DDR2: variants seen among roughly 807,000 people sequenced by gnomAD.
The protein encoded by DDR2 is discoidin domain-containing receptor 2.
In DDR2, 27 loss-of-function variants were observed where a neutral mutation model predicts 94.9. That is an observed-to-expected ratio of 0.28 (90% CI 0.21 to 0.39). DDR2 has a LOEUF of 0.39. Ranked by LOEUF, DDR2 falls within the 10% of genes least tolerant of loss-of-function variation. DDR2 has a pLI of 1.00. For synonymous variants in DDR2, 382 were observed against 377.2 expected (o/e 1.01, Z -0.15); for missense variants, 783 against 1,076.0 (o/e 0.73, Z 3.81).
intron 2 of DDR2, among the ~76,000 whole-genome samples, chr1:162,708,444 A>T (rs1660752857): frequency 6.6e-6 from 1 of 152,190 alleles, no homozygotes; most frequent in South Asian, 2.1e-4. Flanking sequence ...CAAGAGTAGG[A>T]TGGTCCTGGT....
chr1:162,661,992 A>G (rs1283844007), intron 2 of DDR2, among the ~76,000 whole-genome samples: 2 of 152,170 alleles, frequency 1.3e-5, no homozygotes, highest in African/African-American at 4.8e-5. Flanking sequence ...CCTTAATTCT[A>G]GAGTCTATCT....
intron 2 of DDR2, among the ~76,000 whole-genome samples, chr1:162,708,568 A>T (rs1660759256): frequency 6.6e-6 from 1 of 152,162 alleles, no homozygotes; most frequent in South Asian, 2.1e-4. Context: ...CAGCGTAATC[A>T]CATCACTGCC....
rs28483263 is a variant in DDR2 at position 162,689,313 on chromosome 1, C to T, written c.-27-29724C>T. On this transcript the variant is annotated intron_variant, in intron 2 of 17. Coordinates refer to ENST00000367921, the MANE Select transcript of DDR2 (RefSeq NM_006182.4). Reference sequence around the variant, plus strand: ...GTGCCAGGTACTGGCTAGTCCTCACCACAACCCTATATGTGGTAAGGGCAG... The same window carrying T: ...GTGCCAGGTACTGGCTAGTCCTCACTACAACCCTATATGTGGTAAGGGCAG... Among the ~76,000 whole-genome samples the T allele has an allele frequency of 3.4e-3, 514 of 152,314 alleles. 3 individuals are homozygous for T. Among genetic ancestry groups the T allele is most frequent in the African/African-American group, 0.012 (491 of 41,576 alleles).
Position 162,784,996 on chromosome 1 carries a change from A to G in DDR2, c.*4750A>G, listed in dbSNP as rs1419323718. ...ACAACAGGAAAGATACTATCTGGAT[A>G]AAGTTCTACAGTTTTAGAGAGACTA... On this transcript the variant is annotated 3_prime_UTR_variant, in exon 18 of 18. Transcript: ENST00000367921. The G allele has an allele frequency of 6.6e-6, 1 of 152,242 alleles. No individual in the cohort carries two copies. Among genetic ancestry groups the G allele is most frequent in the Admixed American group, 6.5e-5 (1 of 15,286 alleles). The allele number at this position is 152,242 out of a possible 1,614,324, so 9.4% of individuals were successfully genotyped here. A position where few individuals can be genotyped will look rare whatever the true frequency, so the allele number is the denominator to read the frequency against.
At chr1:162,726,175 G>A (rs1185736377) in intron 3 of DDR2, among the ~76,000 whole-genome samples, 1 of 152,204 alleles carries the variant, frequency 6.6e-6, no homozygotes, top group Non-Finnish European at 1.5e-5. Flanking sequence ...ATAAATGCTG[G>A]AACTTCTGTC....
chr1:162,686,288 T>G (rs2101967025), intron 2 of DDR2, among the ~76,000 whole-genome samples: 1 of 152,258 alleles, frequency 6.6e-6, no homozygotes, highest in South Asian at 2.1e-4. Context: ...CCATAGTGGT[T>G]TGCTGCACTT....
rs1656607638 is a variant in DDR2, at chr1:162,632,551, ATTC to A, written c.-266_-264del. The A allele has an allele frequency of 6.6e-6, 1 of 152,126 alleles. No homozygotes were observed. The highest frequency in any genetic ancestry group is 1.5e-5 in the Non-Finnish European group (1 of 68,026). The allele number at this position is 152,126 out of a possible 1,614,324, so 9.4% of individuals were successfully genotyped here. On this transcript the variant is annotated 5_prime_UTR_variant, in exon 1 of 18. Coordinates refer to ENST00000367921, the MANE Select transcript of DDR2 (RefSeq NM_006182.4). The stretch of plus-strand genomic sequence containing the variant: ...TGGAAAAAGAAGCGTTTCACAACAA[ATTC>A]TTCTTTTTGGGTTGGGGAAACGCAG...
chr1:162,662,181 T>C (rs576231304), intron 2 of DDR2, among the ~76,000 whole-genome samples: 34 of 152,334 alleles, frequency 2.2e-4, no homozygotes, highest in Admixed American at 1.4e-3. Flanking sequence ...ATTCTCTTCA[T>C]TGGAAGAAGT....
intron 3 of DDR2, among the ~76,000 whole-genome samples, chr1:162,749,227 T>C (rs915134372): frequency 6.6e-6 from 1 of 152,068 alleles, no homozygotes; most frequent in African/African-American, 2.4e-5. Context: ...GCTGGTTTTT[T>C]GAAAAGATCA....
chr1:162,723,586 G>A (rs1004057704), intron 3 of DDR2, among the ~76,000 whole-genome samples: 2 of 152,162 alleles, frequency 1.3e-5, no homozygotes, highest in Admixed American at 6.5e-5. Flanking sequence ...CCAGCAGTCT[G>A]AAGCCCTGGG....
intron 3 of DDR2, among the ~76,000 whole-genome samples, chr1:162,737,292 A>T (rs566192551): frequency 7.2e-6 from 1 of 139,210 alleles, no homozygotes; most frequent in South Asian, 2.5e-4. Flanking sequence ...ATCTCTCCCA[A>T]TGCTATCCCT....
intron 2 of DDR2, among the ~76,000 whole-genome samples, chr1:162,659,219 G>A (rs902650731): frequency 6.6e-6 from 1 of 152,172 alleles, no homozygotes; most frequent in African/African-American, 2.4e-5. Context: ...TACACTCAAG[G>A]GAGGTAAGCA....
chr1:162,703,496 G>A (rs565091672), intron 2 of DDR2, among the ~76,000 whole-genome samples: 6 of 152,284 alleles, frequency 3.9e-5, no homozygotes, highest in African/African-American at 1.4e-4. Context: ...CCAGCCCTGT[G>A]TGGCAAATAG....
At chr1:162,678,178 T>C (rs1009169130) in intron 2 of DDR2, among the ~76,000 whole-genome samples, 2 of 152,206 alleles carry the variant, frequency 1.3e-5, no homozygotes, top group African/African-American at 4.8e-5. Context: ...TAGTTACCTA[T>C]TGGTAGTTAC....
At chr1:162,728,918 T>A (rs1661858116) in intron 3 of DDR2, among the ~76,000 whole-genome samples, 1 of 152,054 alleles carries the variant, frequency 6.6e-6, no homozygotes, top group Admixed American at 6.6e-5. Context: ...CTTTGCTCAT[T>A]TATAACATGG....
Position 162,747,849 on chromosome 1 carries a change from C to T in DDR2, c.83-5246C>T, listed in dbSNP as rs567990202. ...GAAGAGAGTAAAGGCCAATATTCAA[C>T]GTTCTTAAAGAAAAGAATTTTTAAC... On this transcript the variant is annotated intron_variant, in intron 3 of 17. Coordinates refer to ENST00000367921, the MANE Select transcript of DDR2 (RefSeq NM_006182.4). 1.2e-3 allele frequency among the ~76,000 whole-genome samples: 189 copies of T among 152,308 alleles called. 1 individual carries two copies. The highest frequency in any genetic ancestry group is 2.1e-3 in the Non-Finnish European group (141 of 68,038).
At chr1:162,754,465 G>A (rs1663357800) in intron 4 of DDR2, among the ~76,000 whole-genome samples, 159 bp from the exon 5 acceptor site, 1 of 152,116 alleles carries the variant, frequency 6.6e-6, no homozygotes, top group Non-Finnish European at 1.5e-5. Flanking sequence ...CCACAAATGG[G>A]TACTGTGGTG....
intron 1 of DDR2, among the ~76,000 whole-genome samples, chr1:162,645,417 A>C (rs566975445): frequency 6.6e-6 from 1 of 152,338 alleles, no homozygotes; most frequent in Admixed American, 6.5e-5. Flanking sequence ...AATAAATGAA[A>C]TCAACTATAT....
At chr1:162,639,888 G>T (rs1190637830) in intron 1 of DDR2, among the ~76,000 whole-genome samples, 1 of 152,178 alleles carries the variant, frequency 6.6e-6, no homozygotes, top group Non-Finnish European at 1.5e-5. Flanking sequence ...AGGGGTGAGG[G>T]AGGGATAAAT....
Sources: gnomAD v4.1 joint callset for allele counts (sites outside exome capture counted in the v4.1 genomes callset) on GRCh38, gnomAD v4.1.1 for gene constraint, MANE v1.5 for transcripts, NCBI Gene and HGNC (gene_info 2026-07-23, HGNC 2026-07-21) for gene names.